Variants in CIAO3 observed in about 807,000 individuals in gnomAD.
CIAO3 encodes LET1 like/JFP15.
In CIAO3, 45 loss-of-function variants were observed where a neutral mutation model predicts 51.5. The ratio of observed to expected loss-of-function variants is 0.87; its 90% CI spans 0.69 to 1.12. The LOEUF is 1.12. Ranked by LOEUF, CIAO3 falls within the 50% of genes most tolerant of loss-of-function variation. The pLI, the probability that CIAO3 is intolerant of heterozygous loss-of-function variation, is 0.00. For synonymous variants in CIAO3, 314 were observed against 269.3 expected (o/e 1.17, Z -1.63); for missense variants, 668 against 632.5 (o/e 1.06, Z -0.60).
chr16:739,774 A>G, intron 1 of CIAO3, 36 bp from the exon 2 acceptor site: 2 of 1,596,734 alleles, frequency 1.3e-6, no homozygotes, highest in South Asian at 1.1e-5. Context: ...AGCCCCTGTG[A>G]GTGGGCGGAG....
rs2041257230 is a variant in CIAO3, at chr16:730,185, T to G, written c.*232A>C. ...ACAGGCTCTGGGACCTCAGGGAACC[T>G]TCTGCTGCCTGGGCCACCCCACCCC... On this transcript the variant is annotated 3_prime_UTR_variant, in exon 11 of 11. Coordinates refer to ENST00000251588, the MANE Select transcript of CIAO3 (RefSeq NM_022493.3). The G allele has an allele frequency of 1.7e-6, 1 of 588,074 alleles. No individual in the cohort carries two copies. The highest frequency in any genetic ancestry group is 2.8e-5 in the East Asian group (1 of 35,310). The allele number at this position is 588,074 out of a possible 1,614,324, so 36.4% of individuals were successfully genotyped here. A position where few individuals can be genotyped will look rare whatever the true frequency, so the allele number is the denominator to read the frequency against.
At chr16:731,173 T>C in intron 9 of CIAO3, 173 bp from the exon 10 acceptor site, 1 of 839,318 alleles carries the variant, frequency 1.2e-6, no homozygotes, top group South Asian at 1.8e-5. Flanking sequence ...AAGGCTCACT[T>C]CCTTGAGTCC....
chr16:740,900 G>A lies in CIAO3; in HGVS notation c.66+20C>T, dbSNP rs1344675596. On this transcript the variant is annotated intron_variant, in intron 1 of 10. Coordinates refer to ENST00000251588, the MANE Select transcript of CIAO3 (RefSeq NM_022493.3). ...GGGCACCGAGCGCAGCCTCGACCCCGCCCGCCCAGGCCGGCCCACCTGAGA... is the reference window on the plus strand; with the variant it reads ...GGGCACCGAGCGCAGCCTCGACCCCACCCGCCCAGGCCGGCCCACCTGAGA... 4 of 1,527,456 alleles carry A rather than the reference G, an allele frequency of 2.6e-6. No individual in the cohort carries two copies. Among genetic ancestry groups the A allele is most frequent in the Admixed American group, 2.0e-5 (1 of 50,516 alleles). The allele number at this position is 1,527,456 out of a possible 1,614,324, so 94.6% of individuals were successfully genotyped here. A position where few individuals can be genotyped will look rare whatever the true frequency, so the allele number is the denominator to read the frequency against.
In CIAO3 at chr16:737,598, G is replaced by A. The variant is rs755632047; in HGVS notation, c.163-269C>T. 2.8e-6 allele frequency: 4 copies of A among 1,427,668 alleles called. No homozygotes were observed. Among genetic ancestry groups the A allele is most frequent in the Non-Finnish European group, 2.8e-6 (3 of 1,078,822 alleles). The allele number at this position is 1,427,668 out of a possible 1,614,324, so 88.4% of individuals were successfully genotyped here. The stretch of plus-strand genomic sequence containing the variant: ...GGCTTGCCACTGGTATCTCAGCAAA[G>A]CAGCAGCCACCCCACTCACCCATGG... On this transcript the variant is annotated intron_variant, in intron 2 of 10. Coordinates refer to ENST00000251588, the MANE Select transcript of CIAO3 (RefSeq NM_022493.3). The surrounding 1 kb of genome is among the most constrained non-coding windows in gnomAD (Gnocchi z 5.3).
At position 740,901 on chromosome 16, in the gene CIAO3, C is replaced by G. The variant is rs1194364565; in HGVS notation, c.66+19G>C. The stretch of plus-strand genomic sequence containing the variant: ...GGCACCGAGCGCAGCCTCGACCCCG[C>G]CCGCCCAGGCCGGCCCACCTGAGAC... On this transcript the variant is annotated intron_variant, in intron 1 of 10. Transcript: ENST00000251588. The G allele has an allele frequency of 6.5e-7, 1 of 1,528,052 alleles. No homozygotes were observed. Among genetic ancestry groups the G allele is most frequent in the Non-Finnish European group, 8.8e-7 (1 of 1,142,158 alleles). The allele number at this position is 1,528,052 out of a possible 1,614,324, so 94.7% of individuals were successfully genotyped here. A position where few individuals can be genotyped will look rare whatever the true frequency, so the allele number is the denominator to read the frequency against.
chr16:740,362 G>A (rs1479769721), intron 1 of CIAO3: 1 of 350,162 alleles, frequency 2.9e-6, no homozygotes, highest in Non-Finnish European at 5.7e-6. Context: ...CGACGTTAAG[G>A]ACAGCTCTAC....
chr16:730,779 G>A (rs2041268256), intron 10 of CIAO3, 64 bp downstream of exon 10: 2 of 1,592,770 alleles, frequency 1.3e-6, no homozygotes, highest in African/African-American at 2.7e-5. Context: ...CCAGCCTGGT[G>A]GATGGTGGCC....
At chr16:735,061 C>T (rs147322658) in intron 4 of CIAO3, 190 bp from the exon 5 acceptor site, 1 of 717,292 alleles carries the variant, frequency 1.4e-6, no homozygotes. Flanking sequence ...ACTGTGGGGA[C>T]CTCCTAAAGC....
chr16:734,613 C>T (rs768313754), intron 5 of CIAO3, 124 bp downstream of exon 5: 22 of 1,536,678 alleles, frequency 1.4e-5, no homozygotes, highest in South Asian at 3.4e-5. Flanking sequence ...ATTTCCAACC[C>T]GTCCCGCAAA....
At position 740,937 on chromosome 16, in the gene CIAO3, A is replaced by T. The variant is rs1304742154; in HGVS notation, c.49T>A (p.Phe17Ile). ...GALQLTDLDD[F>I]IGPSQECIKP... The stretch of plus-strand genomic sequence containing the variant: ...CGGCCCACCTGAGACGGCCCGATGA[A>T]GTCATCCAGGTCCGTCAGCTGCAGC... The change falls in exon 1 of 11, where the codon TTC (phenylalanine) becomes ATC (isoleucine). Residue 17 changes from phenylalanine to isoleucine, a missense_variant. Physicochemically the swap from Phe to Ile is conservative, Grantham distance 21. Coordinates refer to ENST00000251588, the MANE Select transcript of CIAO3 (RefSeq NM_022493.3). The T allele has an allele frequency of 6.5e-7, 1 of 1,528,132 alleles. No individual in the cohort carries two copies. Among genetic ancestry groups the T allele is most frequent in the South Asian group, 1.2e-5 (1 of 83,486 alleles). 94.7% of individuals were successfully genotyped at this position (1,528,132 alleles called of 1,614,324 possible).
In CIAO3 at chr16:729,881, C is replaced by A; in HGVS notation, c.*536G>T. 1 of 421,914 alleles carries A rather than the reference C, an allele frequency of 2.4e-6. No homozygotes were observed. Among genetic ancestry groups the A allele is most frequent in the East Asian group, 7.6e-5 (1 of 13,162 alleles). The allele number at this position is 421,914 out of a possible 1,614,324, so 26.1% of individuals were successfully genotyped here. ...TGCTTCGTACTTGGCTTGCCCCGGACCACAGCCTCGTAACGGTAACCCCTG... is the reference window on the plus strand; with the variant it reads ...TGCTTCGTACTTGGCTTGCCCCGGAACACAGCCTCGTAACGGTAACCCCTG... On this transcript the variant is annotated 3_prime_UTR_variant, in exon 11 of 11. Transcript: ENST00000251588.
intron 3 of CIAO3, chr16:736,957 C>G: frequency 1.7e-6 from 1 of 571,574 alleles, no homozygotes; most frequent in East Asian, 3.1e-5. Flanking sequence ...AGCCCCCGCG[C>G]CCAGTAGGGG....
In CIAO3 at chr16:730,072, G is replaced by A. The variant is rs554135823; in HGVS notation, c.*345C>T. 8.4e-5 allele frequency: 36 copies of A among 428,602 alleles called. No homozygotes were observed. Among genetic ancestry groups the A allele is most frequent in the African/African-American group, 2.0e-4 (10 of 49,910 alleles). 26.5% of individuals were successfully genotyped at this position (428,602 alleles called of 1,614,324 possible). ...GTCTTGCTCTGCCTCAGGCAACCCC[G>A]GGACAGGCTGAAGCCCCTCACGCAC... On this transcript the variant is annotated 3_prime_UTR_variant, in exon 11 of 11. Coordinates refer to ENST00000251588, the MANE Select transcript of CIAO3 (RefSeq NM_022493.3).
Position 731,361 on chromosome 16 carries a change from C to A in CIAO3, c.1034+204G>T. ...AGGGTCACCATCCCCCACAATGGGC[C>A]GACTGAGGCCTGGAGTGCTTAGGTG... On this transcript the variant is annotated intron_variant, in intron 9 of 10. Coordinates refer to ENST00000251588, the MANE Select transcript of CIAO3 (RefSeq NM_022493.3). 4 of 698,184 alleles carry A rather than the reference C, an allele frequency of 5.7e-6. No homozygotes were observed. In the South Asian group the frequency reaches 9.4e-5, roughly 16 times the overall value. The allele number at this position is 698,184 out of a possible 1,614,324, so 43.2% of individuals were successfully genotyped here. A position where few individuals can be genotyped will look rare whatever the true frequency, so the allele number is the denominator to read the frequency against.
Position 737,453 on chromosome 16 carries a change from T to C in CIAO3, c.163-124A>G, listed in dbSNP as rs1043091133. 4.1e-5 allele frequency: 63 copies of C among 1,552,854 alleles called. 1 individual carries two copies. In the African/African-American group the frequency reaches 7.8e-4, roughly 19 times the overall value. ...GCTGCTGGCTGGGCTTGTGTGCCGC[T>C]GAATTTTTAAAAATTAGGTATGTAT... On this transcript the variant is annotated intron_variant, in intron 2 of 10. Transcript: ENST00000251588. The surrounding 1 kb of genome is among the most constrained non-coding windows in gnomAD (Gnocchi z 5.3).
intron 3 of CIAO3, chr16:736,942 G>T (rs749593771): frequency 1.0e-4 from 54 of 520,394 alleles, no homozygotes; most frequent in Admixed American, 8.1e-4. Flanking sequence ...GGTATGACAG[G>T]CGTGAGCCCC....
chr16:730,902 T>C lies in CIAO3; in HGVS notation c.1133A>G (p.Gln378Arg), dbSNP rs1205887626. The part of the protein sequence containing the change: ...YGFRNIQNLV[Q>R]RLKRGRCPYH... ...GGGGCAGCGCCCTCGTTTGAGCCTC[T>C]GCACCAGGTTCTGGATGTTGCGGAA... Residue 378 changes from glutamine to arginine, a missense_variant, in exon 10 of 11, where the codon CAG becomes CGG. Coordinates refer to ENST00000251588, the MANE Select transcript of CIAO3 (RefSeq NM_022493.3). 8.1e-6 allele frequency: 13 copies of C among 1,612,830 alleles called. No homozygotes were observed. Among genetic ancestry groups the C allele is most frequent in the African/African-American group, 1.3e-5 (1 of 74,952 alleles).
intron 3 of CIAO3, chr16:736,910 C>T (rs568314463): frequency 2.7e-5 from 12 of 450,998 alleles, no homozygotes; most frequent in African/African-American, 5.9e-5. Flanking sequence ...GTGATCCACC[C>T]GGCTCAGCCT....
intron 2 of CIAO3, chr16:739,389 G>A: frequency 1.8e-6 from 1 of 551,956 alleles, no homozygotes; most frequent in Non-Finnish European, 3.3e-6. Context: ...GGCAGACGCA[G>A]ACAGGATCCA....
Sources: gnomAD v4.1 joint callset for allele counts on GRCh38, gnomAD v4.1.1 for gene constraint, Gnocchi (gnomAD v3.1) non-coding constraint, MANE v1.5 for transcripts, NCBI Gene and HGNC (gene_info 2026-07-23, HGNC 2026-07-21) for gene names.